The following RAB39A variants were observed in gnomAD, a reference collection of about 807,000 sequenced individuals.
RAB39A encodes RAB39A, member RAS oncogene family, also known as ras-related protein Rab-39A.
In RAB39A, 17 loss-of-function variants were observed where a neutral mutation model predicts 20.9. The ratio of observed to expected loss-of-function variants is 0.81; its 90% CI spans 0.56 to 1.22. RAB39A has a LOEUF of 1.22. Ranked by LOEUF, RAB39A falls within the 50% of genes most tolerant of loss-of-function variation. The pLI is 0.00. For missense variants in RAB39A, 234 were observed against 270.5 expected, an observed-to-expected ratio of 0.87 and a Z score of 0.95; for synonymous variants, 99 against 103.4, an observed-to-expected ratio of 0.96 and a Z score of 0.26.
intron 1 of RAB39A, among the ~76,000 whole-genome samples, chr11:107,959,660 G>A (rs1179510369): frequency 4.6e-5 from 7 of 151,968 alleles, no homozygotes. Flanking sequence ...TAGAAAGAAA[G>A]AGGAGGTAAA....
chr11:107,939,506 A>T (rs1052273589), intron 1 of RAB39A, among the ~76,000 whole-genome samples: 3 of 150,462 alleles, frequency 2.0e-5, no homozygotes, highest in African/African-American at 7.3e-5. Context: ...TCCCAGCTGG[A>T]GGCTGAGGCA....
chr11:107,932,458 C>T (rs1164215054), intron 1 of RAB39A, among the ~76,000 whole-genome samples: 1 of 152,180 alleles, frequency 6.6e-6, no homozygotes, highest in African/African-American at 2.4e-5. Context: ...CCATCATCTA[C>T]ATGAGCAAAG....
chr11:107,935,218 G>A (rs576245639), intron 1 of RAB39A, among the ~76,000 whole-genome samples: 3 of 152,142 alleles, frequency 2.0e-5, no homozygotes, highest in African/African-American at 7.2e-5. Flanking sequence ...TATTAAGAAA[G>A]TAAAGTGGTG....
At chr11:107,934,413 GA>G (rs774606142) in intron 1 of RAB39A, among the ~76,000 whole-genome samples, 9 of 152,074 alleles carry the variant, frequency 5.9e-5, no homozygotes, top group African/African-American at 1.9e-4. Context: ...CAGCCTGGGT[GA>G]CAGAGCTAGA....
intron 1 of RAB39A, among the ~76,000 whole-genome samples, chr11:107,940,843 T>C (rs1204351480): frequency 1.3e-5 from 2 of 151,868 alleles, no homozygotes; most frequent in Non-Finnish European, 2.9e-5. Flanking sequence ...TGGTGTGGCA[T>C]GTGCCTGTAG....
chr11:107,959,423 A>G (rs1324100163), intron 1 of RAB39A, among the ~76,000 whole-genome samples: 3 of 152,240 alleles, frequency 2.0e-5, no homozygotes, highest in Non-Finnish European at 4.4e-5. Flanking sequence ...GTTATCCCTC[A>G]AAGTTAAAAT....
intron 1 of RAB39A, among the ~76,000 whole-genome samples, chr11:107,948,312 G>A (rs1390406735): frequency 1.3e-5 from 2 of 152,176 alleles, no homozygotes; most frequent in Admixed American, 6.5e-5. Flanking sequence ...AGAAAAAGAC[G>A]ATGTGGTAGG....
rs1565464303 is a variant in RAB39A at position 107,946,453 on chromosome 11, TATA to T, written c.228-15492_228-15490del. On this transcript the variant is annotated intron_variant, in intron 1 of 1. Transcript: ENST00000320578. The stretch of plus-strand genomic sequence containing the variant: ...GTGTGTGTGTATATATATATATATA[TATA>T]TATATTTTTTTTTTTTTTTTTTTTT... Among the ~76,000 whole-genome samples the T allele has an allele frequency of 1.5e-3, 116 of 75,832 alleles. 2 individuals are homozygous for T. The highest frequency in any genetic ancestry group is 2.4e-3 in the Non-Finnish European group (94 of 38,648). 49.7% of individuals were successfully genotyped at this position (75,832 alleles called of 152,430 possible). A position where few individuals can be genotyped will look rare whatever the true frequency, so the allele number is the denominator to read the frequency against.
At chr11:107,942,367 C>A (rs566016502) in intron 1 of RAB39A, among the ~76,000 whole-genome samples, 27 of 152,250 alleles carry the variant, frequency 1.8e-4, no homozygotes, top group African/African-American at 4.8e-4. Context: ...TGGGAAGGAG[C>A]AGAGAGACAA....
At chr11:107,957,456 T>G (rs1171066859) in intron 1 of RAB39A, among the ~76,000 whole-genome samples, 1 of 152,178 alleles carries the variant, frequency 6.6e-6, no homozygotes, top group Non-Finnish European at 1.5e-5. Flanking sequence ...GGAAGCAGTG[T>G]TCTCAGGGAC....
At chr11:107,956,565 G>A (rs1008817259) in intron 1 of RAB39A, among the ~76,000 whole-genome samples, 1 of 152,194 alleles carries the variant, frequency 6.6e-6, no homozygotes, top group East Asian at 1.9e-4. Flanking sequence ...TGTGCCTCCA[G>A]TTCTCTTTTA....
Position 107,957,916 on chromosome 11 carries a change from G to A in RAB39A, c.228-4030G>A, listed in dbSNP as rs539832602. ...TTTTTTTTTTCTTTCTTTTTTTTGA[G>A]ACAGAGTCTCTGTCGCCCAGGCTGG... On this transcript the variant is annotated intron_variant, in intron 1 of 1. Transcript: ENST00000320578. Among the ~76,000 whole-genome samples, 4 of 148,024 alleles carry A rather than the reference G, an allele frequency of 2.7e-5. 1 individual carries two copies. In the South Asian group the frequency reaches 8.6e-4, roughly 32 times the overall value.
chr11:107,938,359 C>CAAAAAAA (rs58613355), intron 1 of RAB39A, among the ~76,000 whole-genome samples: 18 of 63,322 alleles, frequency 2.8e-4, no homozygotes, highest in Admixed American at 4.4e-4. Flanking sequence ...GACTCCGTCT[C>CAAAAAAA]AAAAAAAAAA....
Position 107,962,250 on chromosome 11 carries a change from C to T in RAB39A, c.532C>T (p.Leu178Phe), listed in dbSNP as rs1400813033. 1 of 1,613,732 alleles carries T rather than the reference C, an allele frequency of 6.2e-7. No individual in the cohort carries two copies. The highest frequency in any genetic ancestry group is 8.5e-7 in the Non-Finnish European group (1 of 1,179,948). ...AATCTTGACGAGAGACATATATGAA[C>T]TTATTAAAAAGGGAGAAATTTGTAT... ...FTILTRDIYE[L>F]IKKGEICIQD... Residue 178 changes from leucine to phenylalanine, a missense_variant, in exon 2 of 2, where the codon CTT (leucine) becomes TTT (phenylalanine). Physicochemically the swap from Leu to Phe is conservative, Grantham distance 22. Transcript: ENST00000320578.
intron 1 of RAB39A, among the ~76,000 whole-genome samples, chr11:107,956,375 A>T (rs1160117497): frequency 6.6e-6 from 1 of 152,172 alleles, no homozygotes; most frequent in East Asian, 1.9e-4. Flanking sequence ...CACCTGCATG[A>T]CTCTGATAAT....
chr11:107,961,924 C>A lies in RAB39A; in HGVS notation c.228-22C>A, dbSNP rs1417458833. 3.8e-6 allele frequency: 6 copies of A among 1,576,724 alleles called. No homozygotes were observed. The Admixed American group carries it at 8.8e-5, about 23-fold the overall frequency. On this transcript the variant is annotated intron_variant, in intron 1 of 1. Coordinates refer to ENST00000320578, the MANE Select transcript of RAB39A (RefSeq NM_017516.3). ...AAAGAACAAGTTGTCCTTATACAACCTTTTTTCTCTTCATTTTTCAGATCA... is the reference window on the plus strand; with the variant it reads ...AAAGAACAAGTTGTCCTTATACAACATTTTTTCTCTTCATTTTTCAGATCA...
At chr11:107,937,276 A>C (rs1279905155) in intron 1 of RAB39A, among the ~76,000 whole-genome samples, 1 of 151,690 alleles carries the variant, frequency 6.6e-6, no homozygotes, top group Non-Finnish European at 1.5e-5. Context: ...CTAGGACTAC[A>C]AGCACATGCT....
At chr11:107,941,203 C>T (rs1440845777) in intron 1 of RAB39A, among the ~76,000 whole-genome samples, 3 of 152,136 alleles carry the variant, frequency 2.0e-5, no homozygotes, top group Admixed American at 2.0e-4. Context: ...TGGGTCATTG[C>T]AGGACTTCTC....
chr11:107,945,948 C>G (rs1861303172), intron 1 of RAB39A, among the ~76,000 whole-genome samples: 1 of 152,082 alleles, frequency 6.6e-6, no homozygotes, highest in East Asian at 1.9e-4. Context: ...CCTCAGAGTG[C>G]TGGCAGTCAA....
Sources: allele counts gnomAD v4.1 joint callset (sites outside exome capture counted in the v4.1 genomes callset), GRCh38; gene constraint gnomAD v4.1.1; transcripts MANE v1.5; gene names NCBI Gene and HGNC (gene_info 2026-07-23, HGNC 2026-07-21).